The following EYS variants were observed in gnomAD, a reference collection of about 807,000 sequenced individuals.
The protein encoded by EYS is EGF-like photoreceptor maintenance factor, also known as protein eyes shut homolog.
EYS carries 250 observed loss-of-function variants against 282.1 expected under a neutral mutation model. The ratio of observed to expected loss-of-function variants is 0.89; its 90% CI spans 0.80 to 0.98. The LOEUF (loss-of-function observed/expected upper bound fraction) is 0.98, where lower values mean the gene tolerates loss of function less well. EYS is among the 50% of genes least tolerant of loss of function. EYS has a pLI of 0.00. For missense variants in EYS, 4,016 were observed against 3,709.0 expected (o/e 1.08, Z -2.15); for synonymous variants, 1,355 against 1,282.9 (o/e 1.06, Z -1.20).
intron 12 of EYS, among the ~76,000 whole-genome samples, chr6:65,113,197 C>A (rs140662108): frequency 6.6e-6 from 1 of 151,952 alleles, no homozygotes; most frequent in Non-Finnish European, 1.5e-5. Context: ...AGTAATACTG[C>A]TTGCAAAATA....
intron 12 of EYS, among the ~76,000 whole-genome samples, chr6:65,150,650 A>G (rs2150214938): frequency 6.6e-6 from 1 of 151,852 alleles, no homozygotes; most frequent in East Asian, 2.0e-4. Context: ...TCTGCCATAT[A>G]TTGATTTGTA....
intron 2 of EYS, among the ~76,000 whole-genome samples, chr6:65,517,501 A>G (rs1767186488): frequency 6.6e-6 from 1 of 152,058 alleles, no homozygotes. Flanking sequence ...ATACTTACGT[A>G]TTATGTAAAG....
chr6:64,817,052 T>C (rs1764759415), intron 21 of EYS, among the ~76,000 whole-genome samples: 1 of 151,858 alleles, frequency 6.6e-6, no homozygotes, highest in Non-Finnish European at 1.5e-5. Context: ...GTAATGAATG[T>C]TCCCATTTTG....
intron 35 of EYS, among the ~76,000 whole-genome samples, chr6:63,968,861 T>G (rs1190036332): frequency 6.6e-6 from 1 of 152,168 alleles, no homozygotes; most frequent in Non-Finnish European, 1.5e-5. Flanking sequence ...TTTTAGATGT[T>G]TTAGTCAGTA....
At position 64,322,910 on chromosome 6, in the gene EYS, C is replaced by T. The variant is rs750477590; in HGVS notation, c.6079-15828G>A. Among the ~76,000 whole-genome samples, 3 of 152,126 alleles carry T rather than the reference C, an allele frequency of 2.0e-5. No individual in the cohort carries two copies. In the South Asian group the frequency reaches 6.2e-4, roughly 32 times the overall value. On this transcript the variant is annotated intron_variant, in intron 29 of 42. Coordinates refer to ENST00000503581, the MANE Select transcript of EYS (RefSeq NM_001142800.2). ...GTTTCTCTCCAGTTTACTCTCTCAG[C>T]AAGAACAGACATGCTCTTTTCCACA...
chr6:65,001,407 C>T (rs75222179), intron 13 of EYS, among the ~76,000 whole-genome samples: 3,256 of 147,262 alleles, frequency 0.022, 185 homozygotes, highest in African/African-American at 0.075. Context: ...CTCCCAAACT[C>T]CTCTTGGTAT....
At chr6:65,424,373 T>C (rs1767585893) in intron 5 of EYS, among the ~76,000 whole-genome samples, 1 of 152,066 alleles carries the variant, frequency 6.6e-6, no homozygotes, top group Non-Finnish European at 1.5e-5. Flanking sequence ...AAATACTTTA[T>C]GGAAAATGAA....
intron 41 of EYS, chr6:63,744,458 T>G (rs1769160770): frequency 6.6e-6 from 1 of 152,250 alleles, no homozygotes; most frequent in Non-Finnish European, 1.5e-5. Context: ...CCTCAAAACT[T>G]GGGACCAAGT....
intron 35 of EYS, among the ~76,000 whole-genome samples, chr6:63,888,519 C>A (rs577066396): frequency 2.0e-5 from 3 of 152,344 alleles, no homozygotes; most frequent in Non-Finnish European, 4.4e-5. Context: ...GGACCCCCAG[C>A]AAACTCCAGC....
chr6:65,058,441 G>A (rs1055212975), intron 12 of EYS, among the ~76,000 whole-genome samples: 2 of 138,654 alleles, frequency 1.4e-5, no homozygotes, highest in Non-Finnish European at 3.3e-5. Flanking sequence ...ATGGGCCACT[G>A]AGCCTGGCCC....
intron 14 of EYS, among the ~76,000 whole-genome samples, chr6:64,984,779 C>T (rs1484280069): frequency 2.6e-5 from 4 of 151,374 alleles, no homozygotes; most frequent in South Asian, 2.1e-4. Context: ...TTCTGTGATA[C>T]GATCCAGGTT....
chr6:65,351,559 C>T (rs1995442), intron 9 of EYS, among the ~76,000 whole-genome samples: 102,207 of 151,574 alleles, frequency 0.67, 34,564 homozygotes, highest in South Asian at 0.72. Context: ...AAAAATACTT[C>T]TGCCATTTCA....
chr6:63,983,476 AG>A (rs1374303308), intron 35 of EYS, among the ~76,000 whole-genome samples: 1 of 151,646 alleles, frequency 6.6e-6, no homozygotes, highest in Non-Finnish European at 1.5e-5. Context: ...GATCACTATC[AG>A]AGCTTGTTTC....
chr6:64,803,613 A>G (rs1253593418), intron 22 of EYS, among the ~76,000 whole-genome samples: 1 of 152,098 alleles, frequency 6.6e-6, no homozygotes, highest in Non-Finnish European at 1.5e-5. Flanking sequence ...ATGTTGTCCA[A>G]GGCGCTCAGG....
chr6:63,845,855 T>C (rs1391255907), intron 36 of EYS, among the ~76,000 whole-genome samples: 1 of 152,230 alleles, frequency 6.6e-6, no homozygotes, highest in Non-Finnish European at 1.5e-5. Flanking sequence ...ACTTGCAGGA[T>C]GGGAAATTGT....
At chr6:65,231,619 G>C (rs533672126) in intron 12 of EYS, among the ~76,000 whole-genome samples, 1 of 151,796 alleles carries the variant, frequency 6.6e-6, no homozygotes, top group East Asian at 1.9e-4. Context: ...TGCTATCAAG[G>C]TTTGAGAAAG....
Position 64,422,618 on chromosome 6 carries a change from T to C in EYS, c.5927+13556A>G, listed in dbSNP as rs192349070. On this transcript the variant is annotated intron_variant, in intron 28 of 42. Transcript: ENST00000503581. Reference sequence around the variant, plus strand: ...GTGTTATCTTTGAATCCTGTTTTGCTTTTTTTATTAGAAGAGTCTCAGAAG... The same window carrying C: ...GTGTTATCTTTGAATCCTGTTTTGCCTTTTTTATTAGAAGAGTCTCAGAAG... 1.2e-4 allele frequency among the ~76,000 whole-genome samples: 18 copies of C among 152,302 alleles called. No homozygotes were observed. The East Asian group carries it at 3.5e-3, about 29-fold the overall frequency.
At chr6:64,603,375 T>A (rs537714536) in intron 24 of EYS, among the ~76,000 whole-genome samples, 81 of 152,046 alleles carry the variant, frequency 5.3e-4, no homozygotes, top group African/African-American at 1.9e-3. Context: ...TGATACATAA[T>A]GAGTTGAAGC....
chr6:63,984,570 G>A lies in EYS; in HGVS notation c.6868C>T (p.Pro2290Ser). Residue 2290 changes from proline (P) to serine (S), a missense_variant, in exon 35 of 43, where the codon CCT becomes TCT. Coordinates refer to ENST00000503581, the MANE Select transcript of EYS (RefSeq NM_001142800.2). ...TTCTTATGAATTTGAACATTTGCAG[G>A]AATATGGCCAAGGAACATTGATTCA... ...YFESMFLGHIPANVQIHKKAG... is the reference protein window; with the variant it reads ...YFESMFLGHISANVQIHKKAG... The A allele has an allele frequency of 3.2e-6, 5 of 1,549,402 alleles. No individual in the cohort carries two copies. The highest frequency in any genetic ancestry group is 1.4e-5 in the African/African-American group (1 of 72,924).
Sources: allele counts gnomAD v4.1 joint callset (sites outside exome capture counted in the v4.1 genomes callset), GRCh38; gene constraint gnomAD v4.1.1; transcripts MANE v1.5; gene names NCBI Gene and HGNC (gene_info 2026-07-23, HGNC 2026-07-21).